Variants in PTCD2 observed in about 807,000 individuals in gnomAD.
The protein encoded by PTCD2 is pentatricopeptide repeat domain 2, also known as pentatricopeptide repeat-containing protein 2, mitochondrial.
A neutral mutation model predicts 42.6 loss-of-function variants in PTCD2; 31 were observed. That is an observed-to-expected ratio of 0.73 (90% CI 0.55 to 0.98). The LOEUF (loss-of-function observed/expected upper bound fraction) is 0.98, where lower values mean the gene tolerates loss of function less well. PTCD2 is among the 50% of genes least tolerant of loss of function. The pLI, the probability that PTCD2 is intolerant of heterozygous loss-of-function variation, is 0.00. For missense variants in PTCD2, 476 were observed against 454.8 expected (o/e 1.05, Z -0.42); for synonymous variants, 183 against 170.9 (o/e 1.07, Z -0.55).
At chr5:72,330,360 G>A (rs892466842) in intron 3 of PTCD2, among the ~76,000 whole-genome samples, 2 of 152,060 alleles carry the variant, frequency 1.3e-5, no homozygotes, top group African/African-American at 4.8e-5. Flanking sequence ...CTGACTCCTC[G>A]ATGATTTTTA....
chr5:72,328,640 A>G (rs1036345188), intron 3 of PTCD2, among the ~76,000 whole-genome samples: 1 of 152,084 alleles, frequency 6.6e-6, no homozygotes, highest in Admixed American at 6.5e-5. Context: ...TCACAGATGT[A>G]AAGATTTCAT....
In PTCD2 at chr5:72,358,426, A is replaced by T; in HGVS notation, c.1166A>T (p.Ter389LeuextTer53). The change falls in exon 10 of 10, where the codon TAA becomes TTA. Residue 389 changes from the stop codon to leucine (L), a stop_lost. Coordinates refer to ENST00000380639, the MANE Select transcript of PTCD2 (RefSeq NM_024754.5). ...QPLSQSLLAE[*>L] ...CTCAGCCAGTCCCTGTTGGCTGAGT[A>T]ACCCTGGTTTCAGTCCACCTATGGA... The T allele has an allele frequency of 6.2e-7, 1 of 1,610,162 alleles. No homozygotes were observed. Among genetic ancestry groups the T allele is most frequent in the South Asian group, 1.1e-5 (1 of 90,948 alleles).
chr5:72,322,192 G>A lies in PTCD2; in HGVS notation c.148G>A (p.Asp50Asn). The A allele has an allele frequency of 6.3e-7, 1 of 1,591,594 alleles. No individual in the cohort carries two copies. The highest frequency in any genetic ancestry group is 8.6e-7 in the Non-Finnish European group (1 of 1,160,272). The change falls in exon 2 of 10, where the codon GAT becomes AAT. Residue 50 changes from aspartate (D) to asparagine (N), a missense_variant. Physicochemically the swap from Asp to Asn is conservative, Grantham distance 23 (BLOSUM62 1). Transcript: ENST00000380639. ...PLGAKRYLLT[D>N]NVVKLKEFQQ... is the part of the protein sequence containing the mutation. The stretch of plus-strand genomic sequence containing the variant: ...TTTAGCTAAAAGATACCTACTTACA[G>A]ATAATGTGGTGAAATTAAAAGAATT...
chr5:72,335,432 G>A (rs1231226231), intron 5 of PTCD2: 5 of 222,262 alleles, frequency 2.2e-5, no homozygotes, highest in Non-Finnish European at 4.3e-5. Flanking sequence ...GTCCGGCCTG[G>A]GCGACAGAGC....
rs114875101 is a variant in PTCD2, at chr5:72,325,916, G to A, written c.221-696G>A. ...CCTTTTGGTTTTTGTCCCCACGGTT[G>A]ATCAGATACAAAGACAAGGGAGAAT... On this transcript the variant is annotated intron_variant, in intron 2 of 9. Transcript: ENST00000380639. Among the ~76,000 whole-genome samples the A allele has an allele frequency of 3.6e-3, 552 of 152,288 alleles. 3 individuals are homozygous for A. Among genetic ancestry groups the A allele is most frequent in the African/African-American group, 0.013 (538 of 41,562 alleles).
At chr5:72,343,129 A>T (rs1347556557) in intron 8 of PTCD2, 93 bp downstream of exon 8, 2 of 537,164 alleles carry the variant, frequency 3.7e-6, no homozygotes, top group Non-Finnish European at 2.9e-6. Flanking sequence ...TTAGCTGTAT[A>T]CAATGACTTG....
intron 2 of PTCD2, among the ~76,000 whole-genome samples, chr5:72,322,907 A>G (rs1266790510): frequency 6.6e-6 from 1 of 152,214 alleles, no homozygotes; most frequent in Admixed American, 6.5e-5. Context: ...TAACTCCAGC[A>G]CTTTGGGAGG....
intron 5 of PTCD2, 43 bp from the exon 6 acceptor site, chr5:72,335,751 T>C (rs548282588): frequency 2.3e-6 from 3 of 1,309,130 alleles, no homozygotes; most frequent in South Asian, 2.4e-5. Context: ...GGGCCAACAG[T>C]AGAGGAACTC....
In PTCD2 at chr5:72,337,912, T is replaced by C. The variant is rs574181965; in HGVS notation, c.640-710T>C. Among the ~76,000 whole-genome samples, 51 of 152,352 alleles carry C rather than the reference T, an allele frequency of 3.3e-4. 1 individual carries two copies. The South Asian group carries it at 0.01, about 30-fold the overall frequency. The stretch of plus-strand genomic sequence containing the variant: ...GAGATGAGTTGAAAAAGTGATCTGG[T>C]CAGCCAGTACAAATTCCACATCAAT... On this transcript the variant is annotated intron_variant, in intron 6 of 9. Coordinates refer to ENST00000380639, the MANE Select transcript of PTCD2 (RefSeq NM_024754.5).
intron 3 of PTCD2, among the ~76,000 whole-genome samples, chr5:72,329,327 A>T (rs1300167763): frequency 6.6e-6 from 1 of 152,248 alleles, no homozygotes; most frequent in Non-Finnish European, 1.5e-5. Flanking sequence ...TGGCTGGGAA[A>T]GGAGAGTCAC....
chr5:72,335,956 CAAAT>C, intron 6 of PTCD2, 71 bp downstream of exon 6: 1 of 812,660 alleles, frequency 1.2e-6, no homozygotes, highest in African/African-American at 1.7e-5. Flanking sequence ...CTTCTCTCTA[CAAAT>C]AAAATTCAGT....
At chr5:72,333,127 C>A (rs1041388030) in intron 4 of PTCD2, among the ~76,000 whole-genome samples, 1 of 152,160 alleles carries the variant, frequency 6.6e-6, no homozygotes, top group Non-Finnish European at 1.5e-5. Context: ...AAAACCCAGA[C>A]CCTTGACTCT....
At position 72,320,518 on chromosome 5, in the gene PTCD2, G is replaced by A. The variant is rs1231902925; in HGVS notation, c.127+9G>A. 4.3e-6 allele frequency: 7 copies of A among 1,613,612 alleles called. No homozygotes were observed. Among genetic ancestry groups the A allele is most frequent in the South Asian group, 3.3e-5 (3 of 91,082 alleles). On this transcript the variant is annotated intron_variant, in intron 1 of 9. Transcript: ENST00000380639. Reference sequence around the variant, plus strand: ...CCGCTGCCCTCTCGGAGGTATCCGCGGCTTTAGCCTAGGGAAGGAGGGGAG... The same window carrying A: ...CCGCTGCCCTCTCGGAGGTATCCGCAGCTTTAGCCTAGGGAAGGAGGGGAG...
chr5:72,368,276 CAGAT>C lies in PTCD2; in HGVS notation c.*9852_*9855del, dbSNP rs1196375619. 1.3e-5 allele frequency: 2 copies of C among 152,206 alleles called. No individual in the cohort carries two copies. The highest frequency in any genetic ancestry group is 2.4e-5 in the African/African-American group (1 of 41,452). The allele number at this position is 152,206 out of a possible 1,614,324, so 9.4% of individuals were successfully genotyped here. A position where few individuals can be genotyped will look rare whatever the true frequency, so the allele number is the denominator to read the frequency against. On this transcript the variant is annotated 3_prime_UTR_variant, in exon 10 of 10. Coordinates refer to ENST00000380639, the MANE Select transcript of PTCD2 (RefSeq NM_024754.5). ...TGACCCCATTTTAAAGGTTCTGAGACAGATAGGCGGAATAGGTCCCCCTGTCTTT... is the reference window on the plus strand; with the variant it reads ...TGACCCCATTTTAAAGGTTCTGAGACAGGCGGAATAGGTCCCCCTGTCTTT...
intron 4 of PTCD2, among the ~76,000 whole-genome samples, chr5:72,333,349 A>G (rs1751542018): frequency 6.6e-6 from 1 of 152,164 alleles, no homozygotes; most frequent in East Asian, 1.9e-4. Context: ...CTTGCTCTTC[A>G]TAGACTTTAC....
At chr5:72,332,108 A>G (rs995833531) in intron 4 of PTCD2, among the ~76,000 whole-genome samples, 1 of 152,180 alleles carries the variant, frequency 6.6e-6, no homozygotes, top group African/African-American at 2.4e-5. Flanking sequence ...GTTTCCCATA[A>G]TCAGAAACAT....
rs1387411258 is a variant in PTCD2 at position 72,342,949 on chromosome 5, C to G, written c.754-13C>G. 1 of 1,549,374 alleles carries G rather than the reference C, an allele frequency of 6.5e-7. No homozygotes were observed. The highest frequency in any genetic ancestry group is 8.8e-7 in the Non-Finnish European group (1 of 1,131,102). ...CTATGATATGGAATATGATTTGTTTCTCTTCCTTCTAGAATGAGATGGCAA... is the reference window on the plus strand; with the variant it reads ...CTATGATATGGAATATGATTTGTTTGTCTTCCTTCTAGAATGAGATGGCAA... On this transcript the variant is annotated splice_polypyrimidine_tract_variant and intron_variant, in intron 7 of 9. Transcript: ENST00000380639.
intron 3 of PTCD2, among the ~76,000 whole-genome samples, chr5:72,327,910 A>G (rs909908342): frequency 6.6e-6 from 1 of 152,226 alleles, no homozygotes; most frequent in Non-Finnish European, 1.5e-5. Context: ...TCTAGGAATT[A>G]TGGATTATGT....
chr5:72,326,759 AAT>A lies in PTCD2; in HGVS notation c.350+19_350+20del. The stretch of plus-strand genomic sequence containing the variant: ...ATTTACAGGTGAGGCATTTCCTTAG[AAT>A]GTTGCCACCCTTATCCCTTCTTACT... On this transcript the variant is annotated intron_variant, in intron 3 of 9. Coordinates refer to ENST00000380639, the MANE Select transcript of PTCD2 (RefSeq NM_024754.5). 6.2e-7 allele frequency: 1 copy of A among 1,612,464 alleles called. No individual in the cohort carries two copies. The highest frequency in any genetic ancestry group is 8.5e-7 in the Non-Finnish European group (1 of 1,179,054).
Sources: gnomAD v4.1 joint callset for allele counts (sites outside exome capture counted in the v4.1 genomes callset) on GRCh38, gnomAD v4.1.1 for gene constraint, MANE v1.5 for transcripts, NCBI Gene and HGNC (gene_info 2026-07-23, HGNC 2026-07-21) for gene names.